Variants in ARG2 observed in about 807,000 individuals in gnomAD.
The protein encoded by ARG2 is arginase-2, mitochondrial.
Under a neutral mutation model 39.4 loss-of-function variants are expected in ARG2, and 21 were observed. That is an observed-to-expected ratio of 0.53 (90% CI 0.38 to 0.77). The LOEUF is 0.77. ARG2 is among the 30% of genes least tolerant of loss of function. ARG2 has a pLI of 0.00. For missense variants in ARG2, 378 were observed against 426.2 expected (o/e 0.89, Z 1.00); for synonymous variants, 150 against 156.7 (o/e 0.96, Z 0.32).
chr14:67,646,579 C>T, intron 4 of ARG2, 65 bp from the exon 5 acceptor site: 4 of 1,338,526 alleles, frequency 3.0e-6, no homozygotes, highest in African/African-American at 1.4e-5. Flanking sequence ...CACGGACGCA[C>T]ATGATAATGA....
intron 7 of ARG2, chr14:67,649,196 T>C (rs1247326064): frequency 6.6e-6 from 1 of 152,148 alleles, no homozygotes; most frequent in African/African-American, 2.4e-5. Context: ...GGCTTGTCTC[T>C]TTGTTCCTAT....
chr14:67,646,534 C>T, intron 4 of ARG2, 110 bp from the exon 5 acceptor site: 1 of 821,958 alleles, frequency 1.2e-6, no homozygotes, highest in Non-Finnish European at 2.0e-6. Context: ...TCTAAACTTA[C>T]CCTGTGGGTG....
At chr14:67,632,150 G>GT (rs1448386223) in intron 2 of ARG2, among the ~76,000 whole-genome samples, 1 of 152,154 alleles carries the variant, frequency 6.6e-6, no homozygotes, top group East Asian at 1.9e-4. Flanking sequence ...GCCTCTCAAA[G>GT]TGTTGGGATT....
intron 3 of ARG2, 131 bp from the exon 4 acceptor site, chr14:67,645,512 C>A (rs889137079): frequency 1.7e-5 from 17 of 1,026,576 alleles, no homozygotes; most frequent in Middle Eastern, 3.2e-4. Context: ...CTTGCCTCAC[C>A]CAAACCCAGT....
intron 3 of ARG2, among the ~76,000 whole-genome samples, chr14:67,643,718 G>C (rs1396637235): frequency 6.6e-6 from 1 of 152,104 alleles, no homozygotes; most frequent in Admixed American, 6.6e-5. Flanking sequence ...CCAGGAAATA[G>C]AGCTGGGATT....
rs1481947752 is a variant in ARG2 at position 67,622,441 on chromosome 14, T to C, written c.184+1475T>C. Among the ~76,000 whole-genome samples, 3 of 152,226 alleles carry C rather than the reference T, an allele frequency of 2.0e-5. No individual in the cohort carries two copies. The East Asian group carries it at 5.8e-4, about 29-fold the overall frequency. On this transcript the variant is annotated intron_variant, in intron 2 of 7. Transcript: ENST00000261783. ...CTACATATGGATATGGTGACATGGA[T>C]TCAATATTCGAACCTTGTTTATTAA...
intron 2 of ARG2, among the ~76,000 whole-genome samples, chr14:67,640,786 A>C (rs2140763047): frequency 6.6e-6 from 1 of 152,298 alleles, no homozygotes; most frequent in Non-Finnish European, 1.5e-5. Context: ...AGGTGGGGAA[A>C]TATTCAAAGC....
At chr14:67,642,793 C>CT (rs869215946) in intron 3 of ARG2, among the ~76,000 whole-genome samples, 25,197 of 74,270 alleles carry the variant, frequency 0.34, 9,811 homozygotes, top group Non-Finnish European at 0.44. Context: ...ACTACATTTT[C>CT]TTTTTTTTTT....
At chr14:67,637,173 G>T (rs996303277) in intron 2 of ARG2, among the ~76,000 whole-genome samples, 2 of 152,112 alleles carry the variant, frequency 1.3e-5, no homozygotes, top group Non-Finnish European at 2.9e-5. Context: ...GCTTTGGGAG[G>T]CTGAAGTGGG....
chr14:67,644,474 G>A (rs182063235), intron 3 of ARG2, among the ~76,000 whole-genome samples: 1 of 152,308 alleles, frequency 6.6e-6, no homozygotes, highest in Admixed American at 6.5e-5. Flanking sequence ...CCCAACCAGT[G>A]TGGGACATGG....
chr14:67,646,626 C>T lies in ARG2; in HGVS notation c.523-18C>T, dbSNP rs367905251. On this transcript the variant is annotated intron_variant, in intron 4 of 7. Coordinates refer to ENST00000261783, the MANE Select transcript of ARG2 (RefSeq NM_001172.4). ...ACAAGAATTCTTGATTAATCCTGTCCATTTCTCCCTTTCATAGGTACCACA... is the reference window on the plus strand; with the variant it reads ...ACAAGAATTCTTGATTAATCCTGTCTATTTCTCCCTTTCATAGGTACCACA... 1 of 1,556,854 alleles carries T rather than the reference C, an allele frequency of 6.4e-7. No individual in the cohort carries two copies. The highest frequency in any genetic ancestry group is 1.7e-5 in the Admixed American group (1 of 59,500).
intron 2 of ARG2, among the ~76,000 whole-genome samples, chr14:67,625,747 A>AG (rs1313393159): frequency 6.6e-6 from 1 of 150,476 alleles, no homozygotes; most frequent in African/African-American, 2.4e-5. Context: ...AAAAAAAAAA[A>AG]AGAGAAAAGG....
At position 67,646,660 on chromosome 14, in the gene ARG2, G is replaced by T; in HGVS notation, c.539G>T (p.Gly180Val). ...CTTTCATAGGTACCACAACTCCCAG[G>T]ATTTTCCTGGATCAAACCTTGTATC... ...ELQDKVPQLPGFSWIKPCISS... is the reference protein window; with the variant it reads ...ELQDKVPQLPVFSWIKPCISS... Residue 180 changes from glycine (G) to valine (V), a missense_variant, in exon 5 of 8, where the codon GGA becomes GTA. Transcript: ENST00000261783. 1 of 1,612,416 alleles carries T rather than the reference G, an allele frequency of 6.2e-7. No homozygotes were observed. Among genetic ancestry groups the T allele is most frequent in the Non-Finnish European group, 8.5e-7 (1 of 1,178,632 alleles).
intron 1 of ARG2, 78 bp from the exon 2 acceptor site, chr14:67,620,816 C>T (rs973982372): frequency 1.4e-5 from 20 of 1,451,268 alleles, no homozygotes; most frequent in African/African-American, 7.0e-5. Flanking sequence ...GAGGAACCTG[C>T]TGGGAACTAA....
In ARG2 at chr14:67,637,971, T is replaced by G. The variant is rs959644060; in HGVS notation, c.185-4215T>G. On this transcript the variant is annotated intron_variant, in intron 2 of 7. Coordinates refer to ENST00000261783, the MANE Select transcript of ARG2 (RefSeq NM_001172.4). ...AAGAGGAGGTGTGCTTTCTCAATGC[T>G]TTCTTCCTCTCCCGCTGCCTTGAAC... is the stretch of plus-strand genomic sequence containing the variant. Among the ~76,000 whole-genome samples the G allele has an allele frequency of 2.6e-5, 4 of 152,140 alleles. No homozygotes were observed. In the East Asian group the frequency reaches 7.7e-4, roughly 29 times the overall value.
chr14:67,624,697 A>C (rs8014035), intron 2 of ARG2, among the ~76,000 whole-genome samples: 50,179 of 152,048 alleles, frequency 0.33, 8,914 homozygotes, highest in African/African-American at 0.46. Flanking sequence ...TTGGGGATTA[A>C]AATTCAACAT....
At chr14:67,635,309 G>C (rs568010073) in intron 2 of ARG2, among the ~76,000 whole-genome samples, 1 of 152,248 alleles carries the variant, frequency 6.6e-6, no homozygotes, top group African/African-American at 2.4e-5. Flanking sequence ...ATAAAATTCA[G>C]ATCTCTGCAT....
chr14:67,650,492 T>C (rs2037158397), intron 7 of ARG2: 2 of 563,692 alleles, frequency 3.5e-6, no homozygotes, highest in Admixed American at 6.2e-5. Flanking sequence ...TTTATTTCAT[T>C]ATCTTAAAAG....
chr14:67,650,559 G>C (rs1166726910), intron 7 of ARG2, 156 bp from the exon 8 acceptor site: 2 of 549,804 alleles, frequency 3.6e-6, no homozygotes, highest in Non-Finnish European at 3.0e-6. Flanking sequence ...ATGGCCAAGA[G>C]GATGAGGTGC....
Sources: gnomAD v4.1 joint callset for allele counts (sites outside exome capture counted in the v4.1 genomes callset) on GRCh38, gnomAD v4.1.1 for gene constraint, MANE v1.5 for transcripts, NCBI Gene and HGNC (gene_info 2026-07-23, HGNC 2026-07-21) for gene names.